The following ARHGAP5 variants were observed in gnomAD, a reference collection of about 807,000 sequenced individuals.
ARHGAP5 encodes rho GTPase-activating protein 5.
ARHGAP5 carries 23 observed loss-of-function variants against 116.6 expected under a neutral mutation model. That is an observed-to-expected ratio of 0.20 (90% CI 0.14 to 0.28). The LOEUF (loss-of-function observed/expected upper bound fraction) is 0.28, where lower values mean the gene tolerates loss of function less well. ARHGAP5 is among the 10% of genes least tolerant of loss of function. The pLI is 1.00. For synonymous variants in ARHGAP5, 574 were observed against 602.0 expected (o/e 0.95, Z 0.68); for missense variants, 1,405 against 1,774.8 (o/e 0.79, Z 3.74).
chr14:32,116,479 G>T (rs1043393349), intron 2 of ARHGAP5, among the ~76,000 whole-genome samples: 3 of 151,516 alleles, frequency 2.0e-5, no homozygotes, highest in Middle Eastern at 3.2e-3. Flanking sequence ...TGTAGTCCCA[G>T]CTACTTGGGA....
intron 3 of ARHGAP5, among the ~76,000 whole-genome samples, chr14:32,141,131 T>C (rs868316063): frequency 6.6e-6 from 1 of 152,226 alleles, no homozygotes; most frequent in Non-Finnish European, 1.5e-5. Flanking sequence ...CTACTCCCAC[T>C]GTCTTATTAA....
intron 5 of ARHGAP5, 108 bp from the exon 6 acceptor site, chr14:32,152,315 T>C: frequency 1.3e-6 from 1 of 775,534 alleles, no homozygotes; most frequent in Non-Finnish European, 2.1e-6. Context: ...TATCCTAATA[T>C]GCTTTAAACA....
In ARHGAP5 at chr14:32,155,537, G is replaced by T. The variant is rs987371796; in HGVS notation, c.*589G>T. 6.5e-6 allele frequency: 1 copy of T among 152,762 alleles called. No homozygotes were observed. Among genetic ancestry groups the T allele is most frequent in the African/African-American group, 2.4e-5 (1 of 41,438 alleles). The allele number at this position is 152,762 out of a possible 1,614,324, so 9.5% of individuals were successfully genotyped here. ...TTCATCTTTACTTCCAAGTAAACCC[G>T]TGGATGATTTGATGAGGGATAAATG... On this transcript the variant is annotated 3_prime_UTR_variant, in exon 7 of 7. Transcript: ENST00000345122.
intron 2 of ARHGAP5, among the ~76,000 whole-genome samples, chr14:32,111,865 CAG>C (rs1199308509): frequency 9.9e-6 from 1 of 101,450 alleles, no homozygotes; most frequent in Admixed American, 1.4e-4. Flanking sequence ...TTTTTTTTGA[CAG>C]AGTCTCGCTC....
chr14:32,096,631 A>G (rs936434285), intron 2 of ARHGAP5, among the ~76,000 whole-genome samples: 4 of 152,242 alleles, frequency 2.6e-5, no homozygotes, highest in South Asian at 2.1e-4. Flanking sequence ...ATATGCTTCA[A>G]ATAATCCTGT....
At chr14:32,135,795 A>G (rs1329864300) in intron 3 of ARHGAP5, among the ~76,000 whole-genome samples, 1 of 152,230 alleles carries the variant, frequency 6.6e-6, no homozygotes, top group African/African-American at 2.4e-5. Context: ...CCAAATTTCC[A>G]GAAGAGATAC....
Position 32,092,942 on chromosome 14 carries a change from A to G in ARHGAP5, c.2273A>G (p.Lys758Arg). 6.2e-7 allele frequency: 1 copy of G among 1,614,058 alleles called. No individual in the cohort carries two copies. The highest frequency in any genetic ancestry group is 8.5e-7 in the Non-Finnish European group (1 of 1,179,948). The change falls in exon 2 of 7, where the codon AAA becomes AGA. Residue 758 changes from lysine to arginine, a missense_variant. Around this residue, in one of 6 missense-constraint regions of ARHGAP5, gnomAD observed 944 missense variants for 1,095.3 expected, o/e 0.86. Coordinates refer to ENST00000345122, the MANE Select transcript of ARHGAP5 (RefSeq NM_001030055.2). This position sits in a 1 kb window ranked among gnomAD's most constrained non-coding sequence, Gnocchi z 4.1. ...CTCAGAGGAGTATTGGAATCAGTTA[A>G]ACACAATTTGGATGTGGTGAGCCCA... The part of the protein sequence containing the change: ...QALRGVLESV[K>R]HNLDVVSPIP...
At chr14:32,078,480 A>G (rs2041736839) in intron 1 of ARHGAP5, among the ~76,000 whole-genome samples, 1 of 152,226 alleles carries the variant, frequency 6.6e-6, no homozygotes, top group African/African-American at 2.4e-5. Flanking sequence ...TTTAAGTTTA[A>G]ATTCTTATCG....
intron 2 of ARHGAP5, among the ~76,000 whole-genome samples, chr14:32,114,373 TGAGA>T (rs1049606404): frequency 3.3e-5 from 5 of 152,260 alleles, no homozygotes; most frequent in African/African-American, 1.2e-4. Flanking sequence ...TTTGTGTTCC[TGAGA>T]AAGAAAAGAA....
At chr14:32,109,052 C>T (rs1879158479) in intron 2 of ARHGAP5, among the ~76,000 whole-genome samples, 1 of 152,022 alleles carries the variant, frequency 6.6e-6, no homozygotes, top group Non-Finnish European at 1.5e-5. Context: ...AGTGAGTTTG[C>T]TTGTATGGTT....
intron 2 of ARHGAP5, among the ~76,000 whole-genome samples, chr14:32,101,648 A>G (rs535742151): frequency 6.6e-6 from 1 of 150,488 alleles, no homozygotes; most frequent in South Asian, 2.1e-4. Context: ...AATTTTGTGA[A>G]GGCCAAAAAA....
At chr14:32,133,420 C>T (rs1285993491) in intron 3 of ARHGAP5, among the ~76,000 whole-genome samples, 7 of 152,250 alleles carry the variant, frequency 4.6e-5, no homozygotes, top group South Asian at 4.2e-4. Context: ...TTGATTTTTG[C>T]ACATTGATTT....
intron 3 of ARHGAP5, among the ~76,000 whole-genome samples, chr14:32,145,668 T>G (rs1000428669): frequency 3.9e-5 from 6 of 152,146 alleles, no homozygotes; most frequent in Non-Finnish European, 7.3e-5. Context: ...TCTCCACCAT[T>G]CACAGACTAC....
At chr14:32,101,455 C>T (rs117111680) in intron 2 of ARHGAP5, among the ~76,000 whole-genome samples, 98 of 152,164 alleles carry the variant, frequency 6.4e-4, no homozygotes, top group Non-Finnish European at 1.1e-3. Context: ...GTAAATTGTT[C>T]ATTCCAGTTA....
intron 3 of ARHGAP5, among the ~76,000 whole-genome samples, chr14:32,135,404 C>T (rs1427835239): frequency 6.6e-6 from 1 of 152,118 alleles, no homozygotes; most frequent in Non-Finnish European, 1.5e-5. Flanking sequence ...TCACCAGATC[C>T]TAGAATTTTA....
At chr14:32,150,582 G>A (rs1230655036) in intron 5 of ARHGAP5, among the ~76,000 whole-genome samples, 3 of 152,124 alleles carry the variant, frequency 2.0e-5, no homozygotes, top group Non-Finnish European at 2.9e-5. Flanking sequence ...AGACAAGAAG[G>A]GGGCTGAACT....
chr14:32,113,630 A>T (rs1879416010), intron 2 of ARHGAP5, among the ~76,000 whole-genome samples: 1 of 151,916 alleles, frequency 6.6e-6, no homozygotes, highest in South Asian at 2.1e-4. Flanking sequence ...TCCTGTCACA[A>T]CCCCCAATTT....
intron 3 of ARHGAP5, among the ~76,000 whole-genome samples, chr14:32,129,487 C>T (rs561830410): frequency 6.6e-6 from 1 of 152,150 alleles, no homozygotes; most frequent in Non-Finnish European, 1.5e-5. Context: ...ACATTAATAG[C>T]CTTCTCTGTA....
intron 3 of ARHGAP5, among the ~76,000 whole-genome samples, chr14:32,133,147 G>T (rs1217904162): frequency 6.6e-6 from 1 of 151,828 alleles, no homozygotes; most frequent in South Asian, 2.1e-4. Flanking sequence ...CTTGATGGGG[G>T]TGGCATTGAA....
Sources: allele counts gnomAD v4.1 joint callset (sites outside exome capture counted in the v4.1 genomes callset), GRCh38; gene constraint gnomAD v4.1.1; regional missense constraint gnomAD v4.1.1; non-coding constraint Gnocchi (gnomAD v3.1); transcripts MANE v1.5; gene names NCBI Gene and HGNC (gene_info 2026-07-23, HGNC 2026-07-21).